The following NR1D1 variants were observed in gnomAD, a reference collection of about 807,000 sequenced individuals.
NR1D1 encodes nuclear receptor subfamily 1 group D member 1.
In NR1D1, 17 loss-of-function variants were observed where a neutral mutation model predicts 51.1. The ratio of observed to expected loss-of-function variants is 0.33; its 90% CI spans 0.23 to 0.50. The LOEUF (loss-of-function observed/expected upper bound fraction) is 0.50, where lower values mean the gene tolerates loss of function less well. Ranked by LOEUF, NR1D1 falls within the 20% of genes least tolerant of loss-of-function variation. NR1D1 has a pLI of 0.98. For missense variants in NR1D1, 647 were observed against 830.4 expected, an observed-to-expected ratio of 0.78 and a Z score of 2.71; for synonymous variants, 341 against 333.4, an observed-to-expected ratio of 1.02 and a Z score of -0.25.
chr17:40,096,151 C>A, intron 4 of NR1D1, 64 bp from the exon 5 acceptor site: 1 of 1,568,182 alleles, frequency 6.4e-7, no homozygotes, highest in South Asian at 1.2e-5. Context: ...CTCTTCCTTC[C>A]TTCCTCCTGA....
chr17:40,100,066 G>GTGT lies in NR1D1; in HGVS notation c.26_28dup (p.Asn9dup). ...TGATAGTAAAGAAATCTCAGTACCT[G>GTGT]TGTTGTTGTTGGAGTCCAGGGTCGT... On this transcript the variant is annotated inframe_insertion, in exon 1 of 8. Transcript: ENST00000246672. 2 of 1,606,284 alleles carry GTGT rather than the reference G, an allele frequency of 1.2e-6. No homozygotes were observed. Among genetic ancestry groups the GTGT allele is most frequent in the Non-Finnish European group, 1.7e-6 (2 of 1,172,850 alleles).
Position 40,095,959 on chromosome 17 carries a change from G to A in NR1D1, c.733C>T (p.Pro245Ser). The change falls in exon 5 of 8, where the codon CCC becomes TCC. Residue 245 changes from proline to serine, a missense_variant. Transcript: ENST00000246672. ...GAGGGGCCCATGGGGCCTGGGGTGG[G>A]GTGCTGGGTGGGTGAAGTCTCCAGC... Reference protein sequence around the residue: ...CPLETSPTQHPTPGPMGPSPP... With the variant: ...CPLETSPTQHSTPGPMGPSPP... 1.9e-6 allele frequency: 3 copies of A among 1,611,936 alleles called. No homozygotes were observed. The highest frequency in any genetic ancestry group is 1.3e-5 in the African/African-American group (1 of 74,970).
intron 1 of NR1D1, among the ~76,000 whole-genome samples, chr17:40,098,039 G>A (rs1237237174): frequency 6.6e-6 from 1 of 152,204 alleles, no homozygotes; most frequent in African/African-American, 2.4e-5. Flanking sequence ...AAAGGACTTC[G>A]AGGTGCGAGT....
chr17:40,100,162 T>A lies in NR1D1; in HGVS notation c.-68A>T. The A allele has an allele frequency of 7.9e-7, 1 of 1,269,560 alleles. No individual in the cohort carries two copies. Among genetic ancestry groups the A allele is most frequent in the Non-Finnish European group, 1.2e-6 (1 of 867,382 alleles). The allele number at this position is 1,269,560 out of a possible 1,614,324, so 78.6% of individuals were successfully genotyped here. A position where few individuals can be genotyped will look rare whatever the true frequency, so the allele number is the denominator to read the frequency against. On this transcript the variant is annotated 5_prime_UTR_variant, in exon 1 of 8. Coordinates refer to ENST00000246672, the MANE Select transcript of NR1D1 (RefSeq NM_021724.5). ...TCAAACTAGAGGTTGCGATCGCCGCTGTTGCCCCCTGGGCACTGGCTAAGG... is the reference window on the plus strand; with the variant it reads ...TCAAACTAGAGGTTGCGATCGCCGCAGTTGCCCCCTGGGCACTGGCTAAGG...
Position 40,093,836 on chromosome 17 carries a change from T to C in NR1D1, c.1645+76A>G. The stretch of plus-strand genomic sequence containing the variant: ...GCCCGGTGCAGGGCCTGGCATAGAG[T>C]AGGTACTCCATAAAAGGTGTGTTGA... On this transcript the variant is annotated intron_variant, in intron 7 of 7. Transcript: ENST00000246672. This position sits in a 1 kb window ranked among gnomAD's most constrained non-coding sequence, Gnocchi z 5.9. 7.5e-7 allele frequency: 1 copy of C among 1,339,684 alleles called. No homozygotes were observed. Among genetic ancestry groups the C allele is most frequent in the Non-Finnish European group, 1.1e-6 (1 of 941,282 alleles). 83.0% of individuals were successfully genotyped at this position (1,339,684 alleles called of 1,614,324 possible). A position where few individuals can be genotyped will look rare whatever the true frequency, so the allele number is the denominator to read the frequency against.
Position 40,093,594 on chromosome 17 carries a change from C to T in NR1D1, c.1646-312G>A. 1 of 782,800 alleles carries T rather than the reference C, an allele frequency of 1.3e-6. No homozygotes were observed. Among genetic ancestry groups the T allele is most frequent in the Non-Finnish European group, 2.0e-6 (1 of 504,966 alleles). The allele number at this position is 782,800 out of a possible 1,614,324, so 48.5% of individuals were successfully genotyped here. On this transcript the variant is annotated intron_variant, in intron 7 of 7. Coordinates refer to ENST00000246672, the MANE Select transcript of NR1D1 (RefSeq NM_021724.5). The surrounding 1 kb of genome is among the most constrained non-coding windows in gnomAD (Gnocchi z 5.9). ...TGTGTAGTTCCCTCTGCCTGGGATG[C>T]CCTTCCCCCTTTCTCTGCCTGGCAA...
At chr17:40,099,082 G>C (rs911602466) in intron 1 of NR1D1, among the ~76,000 whole-genome samples, 2 of 148,386 alleles carry the variant, frequency 1.3e-5, no homozygotes, top group African/African-American at 4.9e-5. Flanking sequence ...GCTTCACCCA[G>C]ATCTCGGCGG....
rs201297823 is a variant in NR1D1 at position 40,094,140 on chromosome 17, C to T, written c.1435-18G>A. ...ATCAGCACCTAGGAGGGAAGGGGAA[C>T]AGTCATCCTGGGTGTGGTGGGAGGA... is the stretch of plus-strand genomic sequence containing the variant. On this transcript the variant is annotated intron_variant, in intron 6 of 7. Coordinates refer to ENST00000246672, the MANE Select transcript of NR1D1 (RefSeq NM_021724.5). 20 of 1,612,240 alleles carry T rather than the reference C, an allele frequency of 1.2e-5. No individual in the cohort carries two copies. The highest frequency in any genetic ancestry group is 1.7e-5 in the Non-Finnish European group (20 of 1,178,642).
Position 40,094,965 on chromosome 17 carries a change from T to G in NR1D1, c.1404A>C (p.Gln468His). Residue 468 changes from glutamine (Q) to histidine (H), a missense_variant, in exon 6 of 8, where the codon CAA becomes CAC. Physicochemically the swap from Gln to His is conservative, Grantham distance 24 (BLOSUM62 0). Around this residue, in one of 7 missense-constraint regions of NR1D1, gnomAD observed 155 missense variants for 236.8 expected, o/e 0.65. Coordinates refer to ENST00000246672, the MANE Select transcript of NR1D1 (RefSeq NM_021724.5). Reference protein sequence around the residue: ...PGFRDLSQHDQVTLLKAGTFE... With the variant: ...PGFRDLSQHDHVTLLKAGTFE... ...AGGTGCCAGCCTTAAGCAGGGTGAC[T>G]TGGTCATGCTGAGAAAGGTCACGGA... is the stretch of plus-strand genomic sequence containing the variant. The G allele has an allele frequency of 6.2e-7, 1 of 1,614,078 alleles. No individual in the cohort carries two copies. The highest frequency in any genetic ancestry group is 8.5e-7 in the Non-Finnish European group (1 of 1,180,024).
rs1470433854 is a variant in NR1D1 at position 40,095,428 on chromosome 17, G to A, written c.1248+16C>T. On this transcript the variant is annotated intron_variant, in intron 5 of 7. Coordinates refer to ENST00000246672, the MANE Select transcript of NR1D1 (RefSeq NM_021724.5). ...CCCAATCTTCTTAACGCACTCGCCCGCCCCCATGCCCTTACCAGCAGAACA... is the reference window on the plus strand; with the variant it reads ...CCCAATCTTCTTAACGCACTCGCCCACCCCCATGCCCTTACCAGCAGAACA... The A allele has an allele frequency of 6.6e-6, 10 of 1,515,216 alleles. No homozygotes were observed. Among genetic ancestry groups the A allele is most frequent in the East Asian group, 2.3e-5 (1 of 43,866 alleles). 93.9% of individuals were successfully genotyped at this position (1,515,216 alleles called of 1,614,324 possible). A position where few individuals can be genotyped will look rare whatever the true frequency, so the allele number is the denominator to read the frequency against.
intron 1 of NR1D1, among the ~76,000 whole-genome samples, chr17:40,098,146 C>G (rs1031973952): frequency 6.6e-6 from 1 of 152,234 alleles, no homozygotes; most frequent in African/African-American, 2.4e-5. Context: ...TCTGGCCATT[C>G]AGGGACTTTG....
rs200075430 is a variant in NR1D1 at position 40,095,997 on chromosome 17, C to T, written c.695G>A (p.Ser232Asn). 1.3e-4 allele frequency: 211 copies of T among 1,612,530 alleles called. No homozygotes were observed. Among genetic ancestry groups the T allele is most frequent in the Non-Finnish European group, 1.7e-4 (205 of 1,179,984 alleles). ...TGAAGTCTCCAGCGGGCACTGGCTGCTCAACTGGTTGTTGGCCAGGTTCAT... is the reference window on the plus strand; with the variant it reads ...TGAAGTCTCCAGCGGGCACTGGCTGTTCAACTGGTTGTTGGCCAGGTTCAT... ...SAMNLANNQL[S>N]SQCPLETSPT... is the part of the protein sequence containing the mutation. Residue 232 changes from serine to asparagine, a missense_variant, in exon 5 of 8, where the codon AGC (serine) becomes AAC (asparagine). Ser to Asn is a conservative substitution (Grantham distance 46). Coordinates refer to ENST00000246672, the MANE Select transcript of NR1D1 (RefSeq NM_021724.5).
Position 40,095,994 on chromosome 17 carries a change from C to T in NR1D1, c.698G>A (p.Ser233Asn). 1 of 1,612,712 alleles carries T rather than the reference C, an allele frequency of 6.2e-7. No individual in the cohort carries two copies. Among genetic ancestry groups the T allele is most frequent in the Non-Finnish European group, 8.5e-7 (1 of 1,179,986 alleles). ...AMNLANNQLSSQCPLETSPTQ... is the reference protein window; with the variant it reads ...AMNLANNQLSNQCPLETSPTQ... ...GGGTGAAGTCTCCAGCGGGCACTGG[C>T]TGCTCAACTGGTTGTTGGCCAGGTT... The change falls in exon 5 of 8, where the codon AGC (serine) becomes AAC (asparagine). Residue 233 changes from serine (S) to asparagine (N), a missense_variant. Ser to Asn is a conservative substitution (Grantham distance 46, BLOSUM62 1). This residue lies in a region of NR1D1 where 48 missense variants were observed against 42.9 expected (regional missense o/e 1.12). Transcript: ENST00000246672.
At chr17:40,096,997 T>TA in intron 2 of NR1D1, 68 bp downstream of exon 2, 2 of 1,458,566 alleles carry the variant, frequency 1.4e-6, no homozygotes, top group Non-Finnish European at 1.9e-6. Context: ...TGGTGTCACG[T>TA]AAAAACCCAT....
rs981789499 is a variant in NR1D1, at chr17:40,100,234, G to A, written c.-140C>T. ...TCACGATCAGGATCCGAAGCACCCT[G>A]CAGCAAGGTCTTGGGGTGGCCGGAC... On this transcript the variant is annotated 5_prime_UTR_variant, in exon 1 of 8. Coordinates refer to ENST00000246672, the MANE Select transcript of NR1D1 (RefSeq NM_021724.5). 1.4e-6 allele frequency: 1 copy of A among 728,498 alleles called. No individual in the cohort carries two copies. The highest frequency in any genetic ancestry group is 1.7e-5 in the African/African-American group (1 of 58,232). The allele number at this position is 728,498 out of a possible 1,614,324, so 45.1% of individuals were successfully genotyped here.
Position 40,100,410 on chromosome 17 carries a change from C to T in NR1D1, c.-316G>A. The T allele has an allele frequency of 2.2e-6, 1 of 463,744 alleles. No homozygotes were observed. Among genetic ancestry groups the T allele is most frequent in the Non-Finnish European group, 3.8e-6 (1 of 261,212 alleles). The allele number at this position is 463,744 out of a possible 1,614,324, so 28.7% of individuals were successfully genotyped here. On this transcript the variant is annotated 5_prime_UTR_variant, in exon 1 of 8. Coordinates refer to ENST00000246672, the MANE Select transcript of NR1D1 (RefSeq NM_021724.5). ...GGTCTCTGCAGTGTACGGGGTGCCT[C>T]TGCCTGCCGGCTCCGCAGCGCTGCG...
At position 40,100,460 on chromosome 17, in the gene NR1D1, T is replaced by G; in HGVS notation, c.-366A>C. 2.2e-6 allele frequency: 1 copy of G among 462,446 alleles called. No homozygotes were observed. The allele number at this position is 462,446 out of a possible 1,614,324, so 28.6% of individuals were successfully genotyped here. ...GGGGTGGCGAATCTGGAGCTCCCGGTGCAAAAGTCCCAGAGGAAGAGAGGT... is the reference window on the plus strand; with the variant it reads ...GGGGTGGCGAATCTGGAGCTCCCGGGGCAAAAGTCCCAGAGGAAGAGAGGT... On this transcript the variant is annotated 5_prime_UTR_variant, in exon 1 of 8. Coordinates refer to ENST00000246672, the MANE Select transcript of NR1D1 (RefSeq NM_021724.5).
At position 40,093,319 on chromosome 17, in the gene NR1D1, G is replaced by A. The variant is rs185488109; in HGVS notation, c.1646-37C>T. ...ACGACAGCAGTGAGGCGGACTCCCC[G>A]AGCTCCTCTGAGGAGGAACCGGAGG... On this transcript the variant is annotated intron_variant, in intron 7 of 7. Transcript: ENST00000246672. This position sits in a 1 kb window ranked among gnomAD's most constrained non-coding sequence, Gnocchi z 5.9. 3.7e-5 allele frequency: 60 copies of A among 1,613,294 alleles called. No individual in the cohort carries two copies. In the East Asian group the frequency reaches 1.0e-3, roughly 27 times the overall value.
In NR1D1 at chr17:40,093,888, G is replaced by A. The variant is rs746011431; in HGVS notation, c.1645+24C>T. ...TTGAACTGCGTCTGCCTCCTCCCCC[G>A]GGTCAGGCGAGAGCCTGACCTACCT... On this transcript the variant is annotated intron_variant, in intron 7 of 7. Transcript: ENST00000246672. This position sits in a 1 kb window ranked among gnomAD's most constrained non-coding sequence, Gnocchi z 5.9. 43 of 1,601,258 alleles carry A rather than the reference G, an allele frequency of 2.7e-5. No homozygotes were observed. Among genetic ancestry groups the A allele is most frequent in the Non-Finnish European group, 3.6e-5 (42 of 1,174,094 alleles).
Sources: allele counts gnomAD v4.1 joint callset (sites outside exome capture counted in the v4.1 genomes callset), GRCh38; gene constraint gnomAD v4.1.1; regional missense constraint gnomAD v4.1.1; non-coding constraint Gnocchi (gnomAD v3.1); transcripts MANE v1.5; gene names NCBI Gene and HGNC (gene_info 2026-07-23, HGNC 2026-07-21).